The following RNF168 variants were observed in gnomAD, a reference collection of about 807,000 sequenced individuals.
The protein encoded by RNF168 is E3 ubiquitin-protein ligase RNF168.
In RNF168, 34 loss-of-function variants were observed where a neutral mutation model predicts 34.9. The ratio of observed to expected loss-of-function variants is 0.97; its 90% CI spans 0.74 to 1.30. The LOEUF (loss-of-function observed/expected upper bound fraction) is 1.30. RNF168 is among the 50% of genes most tolerant of loss of function. RNF168 has a pLI of 0.00. For missense variants in RNF168, 725 were observed against 682.5 expected (o/e 1.06, Z -0.69); for synonymous variants, 264 against 254.7 (o/e 1.04, Z -0.35).
In RNF168 at chr3:196,472,270, T is replaced by C. The variant is rs1183629371; in HGVS notation, c.1265A>G (p.Glu422Gly). Residue 422 changes from glutamate to glycine, a missense_variant, in exon 6 of 6, where the codon GAA (glutamate) becomes GGA (glycine). Coordinates refer to ENST00000318037, the MANE Select transcript of RNF168 (RefSeq NM_152617.4). ...PESSPDQEET[E>G]INFTQKLIDL... is the part of the protein sequence containing the mutation. Reference sequence around the variant, plus strand: ...TATCAGTTTTTGGGTAAAGTTTATTTCTGTTTCCTCTTGATCTGGGGAAGA... The same window carrying C: ...TATCAGTTTTTGGGTAAAGTTTATTCCTGTTTCCTCTTGATCTGGGGAAGA... The C allele has an allele frequency of 6.2e-7, 1 of 1,614,104 alleles. No homozygotes were observed.
chr3:196,489,358 G>C (rs1355125717), intron 1 of RNF168, among the ~76,000 whole-genome samples: 1 of 149,210 alleles, frequency 6.7e-6, no homozygotes, highest in East Asian at 2.0e-4. Context: ...ACAGAGTCTT[G>C]CTCTGTCACC....
At chr3:196,487,687 A>G (rs1732491109) in intron 2 of RNF168, 109 bp from the exon 3 acceptor site, 1 of 990,874 alleles carries the variant, frequency 1.0e-6, no homozygotes, top group Non-Finnish European at 1.6e-6. Context: ...GCAGAAATTT[A>G]AATGATCTCA....
At chr3:196,482,299 G>T (rs776422117) in intron 4 of RNF168, among the ~76,000 whole-genome samples, 5 of 152,004 alleles carry the variant, frequency 3.3e-5, no homozygotes, top group Admixed American at 6.6e-5. Flanking sequence ...TTGAATTGAG[G>T]TGTAATTCAC....
At chr3:196,497,586 C>A (rs1396703160) in intron 1 of RNF168, among the ~76,000 whole-genome samples, 1 of 151,966 alleles carries the variant, frequency 6.6e-6, no homozygotes, top group Non-Finnish European at 1.5e-5. Flanking sequence ...AGGAGAATCG[C>A]TTGAACCTGG....
At chr3:196,492,843 T>A (rs1051437110) in intron 1 of RNF168, among the ~76,000 whole-genome samples, 10 of 152,096 alleles carry the variant, frequency 6.6e-5, no homozygotes, top group Admixed American at 4.6e-4. Context: ...AAAATAAGCA[T>A]ATGATTAGTG....
chr3:196,503,593 GC>G lies in RNF168; in HGVS notation c.-421del, dbSNP rs1732960899. Reference sequence around the variant, plus strand: ...CCCCGGGACGCGGCTCCGGGAGGAAGCCCGGGCTCCGGCTGCAGCATAACTT... The same window carrying G: ...CCCCGGGACGCGGCTCCGGGAGGAAGCCGGGCTCCGGCTGCAGCATAACTT... On this transcript the variant is annotated 5_prime_UTR_variant, in exon 1 of 6. The change abolishes the stop of an existing upstream ORF in the 5' untranslated region. Coordinates refer to ENST00000318037, the MANE Select transcript of RNF168 (RefSeq NM_152617.4). 1 of 237,492 alleles carries G rather than the reference GC, an allele frequency of 4.2e-6. No homozygotes were observed. Among genetic ancestry groups the G allele is most frequent in the East Asian group, 1.2e-4 (1 of 8,678 alleles). The allele number at this position is 237,492 out of a possible 1,614,324, so 14.7% of individuals were successfully genotyped here.
At chr3:196,473,879 T>G (rs987108026) in intron 5 of RNF168, among the ~76,000 whole-genome samples, 4 of 152,042 alleles carry the variant, frequency 2.6e-5, no homozygotes, top group Non-Finnish European at 5.9e-5. Flanking sequence ...AGCTTGGGAC[T>G]TCTATAAGTT....
At chr3:196,500,289 T>C (rs1170245406) in intron 1 of RNF168, among the ~76,000 whole-genome samples, 1 of 152,242 alleles carries the variant, frequency 6.6e-6, no homozygotes, top group African/African-American at 2.4e-5. Flanking sequence ...TTTCTTTTAA[T>C]GTAGCATATA....
In RNF168 at chr3:196,502,939, T is replaced by C. The variant is rs144821850; in HGVS notation, c.235A>G (p.Ile79Val). 3.4e-4 allele frequency: 549 copies of C among 1,614,044 alleles called. No individual in the cohort carries two copies. Among genetic ancestry groups the C allele is most frequent in the Non-Finnish European group, 4.3e-4 (508 of 1,179,998 alleles). The change falls in exon 1 of 6, where the codon ATA becomes GTA. Residue 79 changes from isoleucine to valine, a missense_variant. Ile to Val is a conservative substitution (Grantham distance 29). Coordinates refer to ENST00000318037, the MANE Select transcript of RNF168 (RefSeq NM_152617.4). ...NSLVNVELWT[I>V]IQKHYPRECK... Reference sequence around the variant, plus strand: ...TCCCTGGGATAGTGTTTTTGAATTATCGTCCACAGTTCCACGTTGACGAGA... The same window carrying C: ...TCCCTGGGATAGTGTTTTTGAATTACCGTCCACAGTTCCACGTTGACGAGA...
At chr3:196,484,271 A>G (rs868353272) in intron 3 of RNF168, among the ~76,000 whole-genome samples, 2 of 146,928 alleles carry the variant, frequency 1.4e-5, no homozygotes, top group Middle Eastern at 3.7e-3. Flanking sequence ...CCGCAGGTTC[A>G]TGCCATTCTC....
chr3:196,487,314 A>T, intron 3 of RNF168, 85 bp downstream of exon 3: 1 of 1,153,278 alleles, frequency 8.7e-7, no homozygotes, highest in Non-Finnish European at 1.3e-6. Context: ...TGGAAATACA[A>T]GGAGCTGACT....
chr3:196,474,882 C>T (rs1732105653), intron 5 of RNF168: 6 of 264,196 alleles, frequency 2.3e-5, no homozygotes, highest in South Asian at 2.2e-4. Flanking sequence ...TTTTTGTAAA[C>T]AAAGTTTTAC....
chr3:196,489,419 C>T lies in RNF168; in HGVS notation c.302-736G>A, dbSNP rs567396257. On this transcript the variant is annotated intron_variant, in intron 1 of 5. Transcript: ENST00000318037. ...TCAGCTCACTGCAACCTCCGCCTCC[C>T]GGGTTCAAACAATTATTGTGCCTCA... 1.4e-4 allele frequency among the ~76,000 whole-genome samples: 22 copies of T among 152,170 alleles called. No individual in the cohort carries two copies. In the South Asian group the frequency reaches 3.9e-3, roughly 27 times the overall value.
In RNF168 at chr3:196,472,616, C is replaced by T. The variant is rs757673230; in HGVS notation, c.919G>A (p.Glu307Lys). The stretch of plus-strand genomic sequence containing the variant: ...TTGACGTTTCCTTCATGGTACCATT[C>T]GGCACCACAGGCACATAACCATGGC... ...PMPWLCACGA[E>K]WYHEGNVKTR... The change falls in exon 6 of 6, where the codon GAA becomes AAA. Residue 307 changes from glutamate (E) to lysine (K), a missense_variant. Glu to Lys is a moderately conservative substitution (Grantham distance 56). Coordinates refer to ENST00000318037, the MANE Select transcript of RNF168 (RefSeq NM_152617.4). 43 of 1,613,874 alleles carry T rather than the reference C, an allele frequency of 2.7e-5. No homozygotes were observed. Among genetic ancestry groups the T allele is most frequent in the Non-Finnish European group, 3.2e-5 (38 of 1,179,876 alleles).
intron 3 of RNF168, 129 bp downstream of exon 3, chr3:196,487,270 G>A (rs2108650126): frequency 1.2e-6 from 1 of 853,946 alleles, no homozygotes; most frequent in South Asian, 1.3e-5. Flanking sequence ...ACCAGCCTGG[G>A]GTGGAAAAGA....
Position 196,475,466 on chromosome 3 carries a change from A to G in RNF168, c.681-154T>C, listed in dbSNP as rs112627482. ...TTCCGTGCTTCAGATATTTTGGTCAATTCCAGGACAAAACTTAAATGATTG... is the reference window on the plus strand; with the variant it reads ...TTCCGTGCTTCAGATATTTTGGTCAGTTCCAGGACAAAACTTAAATGATTG... On this transcript the variant is annotated intron_variant, in intron 4 of 5. Coordinates refer to ENST00000318037, the MANE Select transcript of RNF168 (RefSeq NM_152617.4). 28 of 653,670 alleles carry G rather than the reference A, an allele frequency of 4.3e-5. 2 individuals are homozygous for G. The highest frequency in any genetic ancestry group is 3.8e-4 in the African/African-American group (21 of 55,724). The allele number at this position is 653,670 out of a possible 1,614,324, so 40.5% of individuals were successfully genotyped here.
rs939098123 is a variant in RNF168 at position 196,470,161 on chromosome 3, T to A, written c.*1658A>T. 6.9e-6 allele frequency: 1 copy of A among 144,026 alleles called. No homozygotes were observed. Among genetic ancestry groups the A allele is most frequent in the Non-Finnish European group, 1.5e-5 (1 of 66,232 alleles). 8.9% of individuals were successfully genotyped at this position (144,026 alleles called of 1,614,324 possible). On this transcript the variant is annotated 3_prime_UTR_variant, in exon 6 of 6. Transcript: ENST00000318037. ...AGACTGTCAGTCACCCCATCCAGCC[T>A]CATCCTCATCTGGACCCATTTCTCA...
chr3:196,503,366 A>C lies in RNF168; in HGVS notation c.-193T>G. The C allele has an allele frequency of 3.2e-6, 2 of 621,324 alleles. No individual in the cohort carries two copies. Among genetic ancestry groups the C allele is most frequent in the Admixed American group, 5.4e-5 (2 of 36,848 alleles). 38.5% of individuals were successfully genotyped at this position (621,324 alleles called of 1,614,324 possible). ...GCGCTCTCAGGGTCAGGCAAACAGGAATACCCCGGAGGGCGGCGTCTTTGT... is the reference window on the plus strand; with the variant it reads ...GCGCTCTCAGGGTCAGGCAAACAGGCATACCCCGGAGGGCGGCGTCTTTGT... On this transcript the variant is annotated 5_prime_UTR_variant, in exon 1 of 6. The change creates a new upstream start codon in the 5' untranslated region. Transcript: ENST00000318037.
At chr3:196,487,004 G>A (rs1033052763) in intron 3 of RNF168, among the ~76,000 whole-genome samples, 2 of 152,180 alleles carry the variant, frequency 1.3e-5, no homozygotes, top group Admixed American at 6.5e-5. Context: ...GCAGTGAGTC[G>A]TGATTGTGCC....
Sources: allele counts gnomAD v4.1 joint callset (sites outside exome capture counted in the v4.1 genomes callset), GRCh38; gene constraint gnomAD v4.1.1; transcripts MANE v1.5; gene names NCBI Gene and HGNC (gene_info 2026-07-23, HGNC 2026-07-21).